Variants in TLL1 observed in about 807,000 individuals in gnomAD.
TLL1 encodes tolloid like 1.
In TLL1, 49 loss-of-function variants were observed where a neutral mutation model predicts 128.2. The observed-to-expected ratio is 0.38, with a 90% CI of 0.30 to 0.48. The LOEUF is 0.48. Among genes scored for constraint, TLL1 ranks in the 20% least tolerant of loss-of-function variants. The probability of loss-of-function intolerance (pLI) is 0.96; values close to 1 mark genes in which losing one functional copy is unlikely to be tolerated. For synonymous variants in TLL1, 454 were observed against 418.8 expected (o/e 1.08, Z -1.03); for missense variants, 1,123 against 1,242.0 (o/e 0.90, Z 1.44).
At chr4:165,954,528 C>T (rs1430310321) in intron 1 of TLL1, among the ~76,000 whole-genome samples, 1 of 152,110 alleles carries the variant, frequency 6.6e-6, no homozygotes, top group Non-Finnish European at 1.5e-5. Flanking sequence ...TCTGTGTCCT[C>T]TGCTTTTGGA....
At chr4:166,022,855 C>T (rs1375309843) in intron 8 of TLL1, among the ~76,000 whole-genome samples, 1 of 151,850 alleles carries the variant, frequency 6.6e-6, no homozygotes, top group African/African-American at 2.4e-5. Context: ...TTTAACTTCT[C>T]AGTTGTTTTG....
intron 1 of TLL1, among the ~76,000 whole-genome samples, chr4:165,931,531 C>T (rs1001036099): frequency 2.0e-5 from 3 of 151,654 alleles, no homozygotes; most frequent in Non-Finnish European, 4.4e-5. Context: ...TCCTGGCCAA[C>T]ACGGTGAAAC....
At chr4:165,991,202 A>T (rs956070824) in intron 2 of TLL1, among the ~76,000 whole-genome samples, 13 of 152,100 alleles carry the variant, frequency 8.5e-5, no homozygotes, top group Non-Finnish European at 1.6e-4. Flanking sequence ...ATTTATTGTT[A>T]AACTCTGAGA....
intron 1 of TLL1, among the ~76,000 whole-genome samples, chr4:165,982,212 G>A (rs756797589): frequency 2.4e-4 from 37 of 151,854 alleles, no homozygotes; most frequent in Middle Eastern, 3.2e-3. Context: ...GTCAGGGAGG[G>A]TGCCTTATTA....
At chr4:166,010,185 G>A (rs1382793127) in intron 7 of TLL1, among the ~76,000 whole-genome samples, 1 of 151,416 alleles carries the variant, frequency 6.6e-6, no homozygotes, top group African/African-American at 2.4e-5. Flanking sequence ...ATATTCCATT[G>A]TAAGTATATA....
chr4:166,071,041 T>A (rs1275519449), intron 16 of TLL1, among the ~76,000 whole-genome samples: 2 of 151,960 alleles, frequency 1.3e-5, no homozygotes, highest in African/African-American at 4.8e-5. Flanking sequence ...TGTAGGCGAT[T>A]ATTTACTGGA....
chr4:166,020,287 G>A (rs948750416), intron 8 of TLL1, among the ~76,000 whole-genome samples: 32 of 152,174 alleles, frequency 2.1e-4, no homozygotes, highest in Non-Finnish European at 5.9e-5. Flanking sequence ...AGGACAACTA[G>A]TAGCTAATGC....
At chr4:165,930,213 C>CT (rs2110903750) in intron 1 of TLL1, among the ~76,000 whole-genome samples, 1 of 152,226 alleles carries the variant, frequency 6.6e-6, no homozygotes, top group Admixed American at 6.5e-5. Context: ...CTTTATTAGC[C>CT]TGGTGAGAGG....
intron 19 of TLL1, among the ~76,000 whole-genome samples, chr4:166,094,391 G>A (rs1373002837): frequency 6.6e-6 from 1 of 152,128 alleles, no homozygotes; most frequent in Non-Finnish European, 1.5e-5. Context: ...CTTATTAGGT[G>A]AAGATTGAAT....
intron 1 of TLL1, among the ~76,000 whole-genome samples, chr4:165,889,278 C>T (rs75783642): frequency 0.023 from 3,558 of 152,214 alleles, 147 homozygotes; most frequent in African/African-American, 0.081. Context: ...CTAAGGTCCT[C>T]TCTGAAAATA....
chr4:166,042,150 C>T lies in TLL1; in HGVS notation c.1378+7C>T, dbSNP rs566146777. 6.3e-7 allele frequency: 1 copy of T among 1,579,298 alleles called. No homozygotes were observed. The highest frequency in any genetic ancestry group is 8.7e-7 in the Non-Finnish European group (1 of 1,149,286). On this transcript the variant is annotated splice_region_variant and intron_variant, in intron 11 of 20. Transcript: ENST00000061240. Reference sequence around the variant, plus strand: ...TTTGCAGCTGTCTATGAAGGTAAGTCACATTGAATTTTAGAGAGTAGTTCA... The same window carrying T: ...TTTGCAGCTGTCTATGAAGGTAAGTTACATTGAATTTTAGAGAGTAGTTCA...
chr4:165,983,005 T>G (rs772212321), intron 1 of TLL1, among the ~76,000 whole-genome samples: 1 of 151,886 alleles, frequency 6.6e-6, no homozygotes, highest in Non-Finnish European at 1.5e-5. Context: ...ATACTTAATA[T>G]TTGAGCAGTG....
chr4:165,911,436 A>C (rs185711745), intron 1 of TLL1, among the ~76,000 whole-genome samples: 4 of 152,272 alleles, frequency 2.6e-5, no homozygotes, highest in African/African-American at 7.2e-5. Flanking sequence ...TTATCCATTC[A>C]TGCATTAAGG....
intron 10 of TLL1, 49 bp from the exon 11 acceptor site, chr4:166,041,978 A>G (rs2111092708): frequency 2.3e-6 from 3 of 1,286,744 alleles, no homozygotes; most frequent in Non-Finnish European, 3.4e-6. Flanking sequence ...AGAACGTAGA[A>G]TATAGAGTCC....
rs1361135423 is a variant in TLL1 at position 165,912,442 on chromosome 4, C to T, written c.169+38369C>T. 2.6e-4 allele frequency among the ~76,000 whole-genome samples: 40 copies of T among 152,108 alleles called. 2 individuals carry two copies. Among genetic ancestry groups the T allele is most frequent in the Admixed American group, 2.5e-3 (38 of 15,266 alleles). ...CGGTTCTGGTTTCCTACTCAGTGTC[C>T]GTGACCCATGTGAACAGCTCTCAAA... On this transcript the variant is annotated intron_variant, in intron 1 of 20. Coordinates refer to ENST00000061240, the MANE Select transcript of TLL1 (RefSeq NM_012464.5).
intron 7 of TLL1, among the ~76,000 whole-genome samples, chr4:166,010,383 G>A (rs1379386058): frequency 3.3e-5 from 5 of 150,980 alleles, no homozygotes; most frequent in African/African-American, 1.2e-4. Flanking sequence ...TTTCTCTGAT[G>A]ATTAGTGAAC....
chr4:166,066,160 G>A (rs116271596), intron 16 of TLL1, among the ~76,000 whole-genome samples: 1,625 of 151,246 alleles, frequency 0.011, 34 homozygotes, highest in African/African-American at 0.036. Context: ...TTTTTATTTA[G>A]CAATGTATTT....
At chr4:165,910,426 G>C (rs982702504) in intron 1 of TLL1, among the ~76,000 whole-genome samples, 1 of 152,126 alleles carries the variant, frequency 6.6e-6, no homozygotes, top group African/African-American at 2.4e-5. Context: ...ATTCAATTAA[G>C]CAATTTCTAG....
intron 1 of TLL1, among the ~76,000 whole-genome samples, chr4:165,940,903 G>C (rs544377041): frequency 1.3e-5 from 2 of 152,058 alleles, no homozygotes; most frequent in Admixed American, 1.3e-4. Flanking sequence ...TTCCTAGGCT[G>C]TTCTACATTC....
Sources: gnomAD v4.1 joint callset for allele counts (sites outside exome capture counted in the v4.1 genomes callset) on GRCh38, gnomAD v4.1.1 for gene constraint, MANE v1.5 for transcripts, NCBI Gene and HGNC (gene_info 2026-07-23, HGNC 2026-07-21) for gene names.